Variants in MYOM2 observed in about 807,000 individuals in gnomAD.
MYOM2 encodes the protein myomesin-2.
In MYOM2, 254 loss-of-function variants were observed where a neutral mutation model predicts 187.6. The observed-to-expected ratio is 1.35, with a 90% CI of 1.22 to 1.50. MYOM2 has a LOEUF of 1.50. Ranked by LOEUF, MYOM2 falls within the 40% of genes most tolerant of loss-of-function variation. The pLI, the probability that MYOM2 is intolerant of heterozygous loss-of-function variation, is 0.00. For synonymous variants in MYOM2, 981 were observed against 753.8 expected (o/e 1.30, Z -4.94); for missense variants, 2,796 against 1,924.0 (o/e 1.45, Z -8.48).
intron 33 of MYOM2, 55 bp from the exon 34 acceptor site, chr8:2,141,086 T>A: frequency 6.5e-7 from 1 of 1,542,870 alleles, no homozygotes; most frequent in Admixed American, 1.7e-5. Flanking sequence ...TTTGAGTGAA[T>A]AAATAAAATC....
chr8:2,101,532 T>G (rs1486424917), intron 20 of MYOM2, among the ~76,000 whole-genome samples: 1 of 152,088 alleles, frequency 6.6e-6, no homozygotes, highest in Non-Finnish European at 1.5e-5. Context: ...GCAGCCGCCA[T>G]GCGCGTTGTG....
intron 23 of MYOM2, among the ~76,000 whole-genome samples, chr8:2,106,925 A>C (rs1796912866): frequency 6.6e-6 from 1 of 152,208 alleles, no homozygotes; most frequent in African/African-American, 2.4e-5. Context: ...AATTAATGAG[A>C]GACCTACGGG....
intron 23 of MYOM2, among the ~76,000 whole-genome samples, chr8:2,108,200 TC>T (rs35508966): frequency 0.011 from 1,679 of 152,330 alleles, 19 homozygotes; most frequent in Non-Finnish European, 0.015. Flanking sequence ...GCCCAGATTT[TC>T]TTACCTTGCT....
chr8:2,072,089 GC>G (rs1469987535), intron 8 of MYOM2, among the ~76,000 whole-genome samples: 1 of 152,184 alleles, frequency 6.6e-6, no homozygotes, highest in African/African-American at 2.4e-5. Flanking sequence ...ACAAAGACGT[GC>G]TTTTGCGGTG....
intron 6 of MYOM2, among the ~76,000 whole-genome samples, chr8:2,067,358 C>T (rs1343328857): frequency 6.6e-6 from 1 of 152,110 alleles, no homozygotes; most frequent in Non-Finnish European, 1.5e-5. Flanking sequence ...TAAGATTCTG[C>T]TCAGGTGTCC....
intron 24 of MYOM2, 93 bp from the exon 25 acceptor site, chr8:2,109,302 A>G (rs1471932356): frequency 5.1e-6 from 7 of 1,363,850 alleles, no homozygotes; most frequent in Non-Finnish European, 6.9e-6. Flanking sequence ...CAAAAATCTA[A>G]TAACTAGGAT....
In MYOM2 at chr8:2,120,675, T is replaced by TAAA. The variant is rs1220891042; in HGVS notation, c.3454-2577_3454-2576insAAA. 4.8e-5 allele frequency among the ~76,000 whole-genome samples: 2 copies of TAAA among 41,432 alleles called. 1 individual carries two copies. The highest frequency in any genetic ancestry group is 8.8e-4 in the Admixed American group (2 of 2,276). The allele number at this position is 41,432 out of a possible 152,430, so 27.2% of individuals were successfully genotyped here. On this transcript the variant is annotated intron_variant, in intron 28 of 36. Transcript: ENST00000262113. ...GATTTCCTGTATATATATATATATA[T>TAAA]TATATTATATATAAATATATAATAT...
intron 17 of MYOM2, 71 bp from the exon 18 acceptor site, chr8:2,096,176 G>A: frequency 6.7e-7 from 1 of 1,489,002 alleles, no homozygotes; most frequent in Non-Finnish European, 9.2e-7. Context: ...TGCCACACTG[G>A]AGCTGGCTGC....
intron 3 of MYOM2, among the ~76,000 whole-genome samples, chr8:2,055,266 T>C (rs34757246): frequency 0.86 from 130,109 of 152,116 alleles, 55,822 homozygotes; most frequent in East Asian, 0.97. Flanking sequence ...CATGTGCTTA[T>C]AGAGGTGGCA....
intron 15 of MYOM2, 61 bp downstream of exon 15, chr8:2,090,252 T>G: frequency 6.7e-7 from 1 of 1,483,384 alleles, no homozygotes; most frequent in African/African-American, 1.4e-5. Flanking sequence ...TGACACCAAA[T>G]AGCCTTAAAT....
At chr8:2,059,964 A>G (rs1441201800) in intron 6 of MYOM2, among the ~76,000 whole-genome samples, 2 of 151,776 alleles carry the variant, frequency 1.3e-5, no homozygotes, top group African/African-American at 4.8e-5. Context: ...CTGGTCTCGA[A>G]CTCCCGACCT....
intron 32 of MYOM2, 71 bp from the exon 33 acceptor site, chr8:2,140,652 A>T: frequency 5.4e-6 from 8 of 1,483,254 alleles, no homozygotes; most frequent in Non-Finnish European, 7.3e-6. Context: ...GCAACGGGAC[A>T]TTGCCCTGTA....
intron 13 of MYOM2, chr8:2,084,916 C>T (rs1278909943): frequency 4.1e-5 from 11 of 267,728 alleles, no homozygotes; most frequent in Non-Finnish European, 7.8e-5. Context: ...AATATGTTCT[C>T]TGCACAGATT....
chr8:2,145,105 A>T lies in MYOM2; in HGVS notation c.*124A>T, dbSNP rs955784014. ...TGTGTGGGCTGATAGTTGATCACAC[A>T]TTGTGCTTTTGATTTTTGCATTTGG... On this transcript the variant is annotated 3_prime_UTR_variant, in exon 37 of 37. Coordinates refer to ENST00000262113, the MANE Select transcript of MYOM2 (RefSeq NM_003970.4). 9.4e-7 allele frequency: 1 copy of T among 1,061,252 alleles called. No homozygotes were observed. Among genetic ancestry groups the T allele is most frequent in the African/African-American group, 1.6e-5 (1 of 61,770 alleles). The allele number at this position is 1,061,252 out of a possible 1,614,324, so 65.7% of individuals were successfully genotyped here.
At chr8:2,109,164 T>C (rs1026582873) in intron 24 of MYOM2, 6 of 539,246 alleles carry the variant, frequency 1.1e-5, no homozygotes, top group Non-Finnish European at 1.9e-5. Flanking sequence ...TCTTTACTTA[T>C]CGAACACATT....
chr8:2,091,292 C>T (rs965051760), intron 15 of MYOM2, among the ~76,000 whole-genome samples: 1 of 152,160 alleles, frequency 6.6e-6, no homozygotes, highest in East Asian at 1.9e-4. Context: ...GATCCTCCCA[C>T]CTTGGCCTCT....
intron 32 of MYOM2, among the ~76,000 whole-genome samples, chr8:2,136,825 A>G (rs566969974): frequency 3.3e-5 from 5 of 152,210 alleles, no homozygotes; most frequent in African/African-American, 4.8e-5. Flanking sequence ...AGTAGAATGG[A>G]TCACCACTGG....
chr8:2,046,141 A>G (rs1241319590), intron 1 of MYOM2, among the ~76,000 whole-genome samples: 1 of 152,194 alleles, frequency 6.6e-6, no homozygotes, highest in Admixed American at 6.5e-5. Context: ...TGGTGTATTT[A>G]TTGACTTTGA....
At chr8:2,135,584 G>A (rs28694252) in intron 32 of MYOM2, among the ~76,000 whole-genome samples, 1 of 152,046 alleles carries the variant, frequency 6.6e-6, no homozygotes. Flanking sequence ...GGTTGCTTTA[G>A]CACGAAGGAG....
Sources: gnomAD v4.1 joint callset for allele counts (sites outside exome capture counted in the v4.1 genomes callset) on GRCh38, gnomAD v4.1.1 for gene constraint, MANE v1.5 for transcripts, NCBI Gene and HGNC (gene_info 2026-07-23, HGNC 2026-07-21) for gene names.